CGNL1: variants seen among roughly 807,000 people sequenced by gnomAD.
CGNL1 encodes the protein cingulin-like protein 1.
In CGNL1, 132 loss-of-function variants were observed where a neutral mutation model predicts 141.2. That is an observed-to-expected ratio of 0.93 (90% confidence interval 0.81 to 1.08). The LOEUF (loss-of-function observed/expected upper bound fraction) is 1.08, where lower values mean the gene tolerates loss of function less well. CGNL1 is among the 50% of genes least tolerant of loss of function. CGNL1 has a pLI of 0.00. For synonymous variants in CGNL1, 690 were observed against 622.1 expected (o/e 1.11, Z -1.63); for missense variants, 1,870 against 1,588.6 (o/e 1.18, Z -3.01).
chr15:57,499,474 G>C (rs1234545049), intron 8 of CGNL1, among the ~76,000 whole-genome samples: 1 of 152,094 alleles, frequency 6.6e-6, no homozygotes, highest in Non-Finnish European at 1.5e-5. Context: ...CTGACCTCAA[G>C]TGATCTGCCT....
chr15:57,506,225 C>G (rs542895901), intron 8 of CGNL1, among the ~76,000 whole-genome samples: 1 of 152,202 alleles, frequency 6.6e-6, no homozygotes, highest in Non-Finnish European at 1.5e-5. Context: ...TGACGCAGAG[C>G]GCTGGAAGCA....
chr15:57,419,714 T>C (rs1163469221), intron 1 of CGNL1, among the ~76,000 whole-genome samples: 1 of 152,236 alleles, frequency 6.6e-6, no homozygotes, highest in African/African-American at 2.4e-5. Flanking sequence ...TTATCACTAC[T>C]GATATTGATC....
chr15:57,489,490 A>G (rs922119386), intron 8 of CGNL1, among the ~76,000 whole-genome samples: 11 of 152,244 alleles, frequency 7.2e-5, no homozygotes, highest in African/African-American at 2.7e-4. Context: ...AATGGATAGA[A>G]AATAGACATG....
intron 8 of CGNL1, among the ~76,000 whole-genome samples, chr15:57,474,939 A>G (rs1433395402): frequency 1.3e-5 from 2 of 152,200 alleles, no homozygotes; most frequent in African/African-American, 4.8e-5. Context: ...AAGTTTAGTG[A>G]AGTATTTTTA....
intron 8 of CGNL1, among the ~76,000 whole-genome samples, chr15:57,479,194 T>G (rs1232109148): frequency 6.6e-6 from 1 of 152,144 alleles, no homozygotes; most frequent in African/African-American, 2.4e-5. Flanking sequence ...ATACACGCTC[T>G]GTAAACATGC....
chr15:57,451,538 A>C lies in CGNL1; in HGVS notation c.1842A>C (p.Glu614Asp), dbSNP rs531526050. The change falls in exon 5 of 19, where the codon GAA becomes GAC. Residue 614 changes from glutamate (E) to aspartate (D), a missense_variant. Physicochemically the swap from Glu to Asp is conservative, Grantham distance 45 (BLOSUM62 2). Transcript: ENST00000281282. ...CATCTGAAGTCAAAGATCTATTGGAACAGAAAAGCAAGTTGACCATAGAAG... is the reference window on the plus strand; with the variant it reads ...CATCTGAAGTCAAAGATCTATTGGACCAGAAAAGCAAGTTGACCATAGAAG... ...NSTSEVKDLL[E>D]QKSKLTIEVA... is the part of the protein sequence containing the mutation. The C allele has an allele frequency of 6.8e-6, 11 of 1,613,520 alleles. No individual in the cohort carries two copies. The highest frequency in any genetic ancestry group is 8.5e-6 in the Non-Finnish European group (10 of 1,179,690).
chr15:57,411,630 A>G (rs1352909139), intron 1 of CGNL1, among the ~76,000 whole-genome samples: 1 of 151,860 alleles, frequency 6.6e-6, no homozygotes, highest in African/African-American at 2.4e-5. Flanking sequence ...TTTTTGGTAG[A>G]GATGAGGTTT....
intron 8 of CGNL1, among the ~76,000 whole-genome samples, chr15:57,473,269 G>T (rs974596772): frequency 6.6e-6 from 1 of 152,150 alleles, no homozygotes; most frequent in African/African-American, 2.4e-5. Context: ...TCTAAATTCT[G>T]CCTGATGGAT....
intron 1 of CGNL1, among the ~76,000 whole-genome samples, chr15:57,407,838 T>A (rs2062740845): frequency 6.6e-6 from 1 of 151,166 alleles, no homozygotes; most frequent in South Asian, 2.1e-4. Flanking sequence ...AACCTCCGTC[T>A]CCTGGGTTCA....
rs2063136363 is a variant in CGNL1, at chr15:57,438,449, G to A, written c.450G>A (p.Glu150=). Residue 150 remains glutamate (E), a synonymous_variant, in exon 2 of 19, where the codon GAG becomes GAA. Transcript: ENST00000281282. ...SHLLNFQRHP[E]LLQPYDPEKN... ...TGCTGAACTTTCAGAGGCATCCAGAGCTTTTGCAACCCTATGACCCTGAAA... is the reference window on the plus strand; with the variant it reads ...TGCTGAACTTTCAGAGGCATCCAGAACTTTTGCAACCCTATGACCCTGAAA... 6.2e-7 allele frequency: 1 copy of A among 1,614,178 alleles called. No individual in the cohort carries two copies. The highest frequency in any genetic ancestry group is 8.5e-7 in the Non-Finnish European group (1 of 1,180,050).
intron 8 of CGNL1, among the ~76,000 whole-genome samples, chr15:57,469,166 A>G (rs545168951): frequency 2.0e-5 from 3 of 151,984 alleles, no homozygotes; most frequent in Non-Finnish European, 1.5e-5. Context: ...ATGAGCAGGT[A>G]GTAGGGGCTG....
intron 1 of CGNL1, among the ~76,000 whole-genome samples, chr15:57,382,336 C>T (rs8027154): frequency 0.34 from 52,330 of 151,964 alleles, 9,277 homozygotes; most frequent in East Asian, 0.54. Context: ...AGGGAGTTAG[C>T]GGAGGGTCGT....
chr15:57,481,277 G>C lies in CGNL1; in HGVS notation c.2403+19385G>C, dbSNP rs143316550. Among the ~76,000 whole-genome samples, 3 of 152,160 alleles carry C rather than the reference G, an allele frequency of 2.0e-5. No individual in the cohort carries two copies. In the East Asian group the frequency reaches 5.8e-4, roughly 29 times the overall value. On this transcript the variant is annotated intron_variant, in intron 8 of 18. Transcript: ENST00000281282. Reference sequence around the variant, plus strand: ...AGGATACTGACATTGATACAGCTGAGATATAGAACATTTACATCACTCCCC... The same window carrying C: ...AGGATACTGACATTGATACAGCTGACATATAGAACATTTACATCACTCCCC...
chr15:57,546,142 G>A lies in CGNL1; in HGVS notation c.3676G>A (p.Glu1226Lys), dbSNP rs1239664065. ...GGCTGAGGAGGAAATCGACAGACTG[G>A]AAAGTTCTAAAAAGAAGCTGCAGAG... Reference protein sequence around the residue: ...EEAEEEIDRLESSKKKLQREL... With the variant: ...EEAEEEIDRLKSSKKKLQREL... The change falls in exon 18 of 19, where the codon GAA becomes AAA. Residue 1226 changes from glutamate (E) to lysine (K), a missense_variant. Glu to Lys is a moderately conservative substitution (Grantham distance 56). Coordinates refer to ENST00000281282, the MANE Select transcript of CGNL1 (RefSeq NM_032866.5). 6 of 1,613,866 alleles carry A rather than the reference G, an allele frequency of 3.7e-6. No homozygotes were observed. Among genetic ancestry groups the A allele is most frequent in the Non-Finnish European group, 5.1e-6 (6 of 1,180,002 alleles).
intron 1 of CGNL1, among the ~76,000 whole-genome samples, chr15:57,380,718 C>T (rs2062415061): frequency 1.3e-5 from 2 of 152,286 alleles, no homozygotes; most frequent in South Asian, 2.1e-4. Context: ...AGAACAGATT[C>T]TGGCAGGTGT....
chr15:57,496,717 C>T (rs1423771496), intron 8 of CGNL1, among the ~76,000 whole-genome samples: 5 of 152,162 alleles, frequency 3.3e-5, no homozygotes, highest in African/African-American at 4.8e-5. Flanking sequence ...GAGTCAGACT[C>T]ACATGGAATC....
At chr15:57,476,044 G>A (rs545634792) in intron 8 of CGNL1, among the ~76,000 whole-genome samples, 5 of 152,252 alleles carry the variant, frequency 3.3e-5, no homozygotes, top group African/African-American at 9.6e-5. Flanking sequence ...AGCATCATGC[G>A]AAATCTGGGG....
In CGNL1 at chr15:57,531,719, G is replaced by A; in HGVS notation, c.3231G>A (p.Leu1077=). The part of the protein sequence containing the change: ...EDKVSQLEME[L]EEERNNSDLL... ...AGGTGTCTCAACTGGAGATGGAACT[G>A]GAAGAAGAGAGAAACAACTCAGATT... is the stretch of plus-strand genomic sequence containing the variant. The change falls in exon 14 of 19, where the codon CTG becomes CTA. Residue 1077 remains leucine, a synonymous_variant. Coordinates refer to ENST00000281282, the MANE Select transcript of CGNL1 (RefSeq NM_032866.5). 6.2e-7 allele frequency: 1 copy of A among 1,613,058 alleles called. No individual in the cohort carries two copies.
chr15:57,476,068 A>G (rs1455637312), intron 8 of CGNL1, among the ~76,000 whole-genome samples: 1 of 152,202 alleles, frequency 6.6e-6, no homozygotes, highest in African/African-American at 2.4e-5. Context: ...AGAGATGGAC[A>G]AGGTGGCCTC....
Sources: allele counts gnomAD v4.1 joint callset (sites outside exome capture counted in the v4.1 genomes callset), GRCh38; gene constraint gnomAD v4.1.1; transcripts MANE v1.5; gene names NCBI Gene and HGNC (gene_info 2026-07-23, HGNC 2026-07-21).